Variants in MED13L observed in about 807,000 individuals in gnomAD.
MED13L encodes the protein mediator of RNA polymerase II transcription subunit 13-like.
In MED13L, 7 loss-of-function variants were observed where a neutral mutation model predicts 220.9. The observed-to-expected ratio is 0.03, with a 90% CI of 0.02 to 0.06. The LOEUF (loss-of-function observed/expected upper bound fraction) is 0.06, where lower values mean the gene tolerates loss of function less well. MED13L is among the 10% of genes least tolerant of loss of function. MED13L has a pLI of 1.00. For missense variants in MED13L, 1,965 were observed against 2,760.5 expected (o/e 0.71, Z 6.46); for synonymous variants, 1,011 against 1,015.2 (o/e 1.00, Z 0.08).
In MED13L at chr12:116,022,608, A is replaced by C. The variant is rs770649491; in HGVS notation, c.480-7T>G. On this transcript the variant is annotated splice_polypyrimidine_tract_variant and splice_region_variant and intron_variant, in intron 4 of 30. Transcript: ENST00000281928. ...AGCACAGGACAAATGCTCACTACAA[A>C]AGAGAGAATGAGAAACTCAACTTTA... The C allele has an allele frequency of 3.7e-6, 6 of 1,610,860 alleles. No individual in the cohort carries two copies. The South Asian group carries it at 6.6e-5, about 18-fold the overall frequency.
chr12:116,241,012 A>G (rs750394392), intron 1 of MED13L, among the ~76,000 whole-genome samples: 3 of 152,100 alleles, frequency 2.0e-5, no homozygotes, highest in Non-Finnish European at 4.4e-5. Context: ...AGAAGGTAAT[A>G]AAAACACACC....
chr12:116,101,374 A>G (rs1177888409), intron 3 of MED13L, among the ~76,000 whole-genome samples: 11 of 152,226 alleles, frequency 7.2e-5, no homozygotes, highest in Non-Finnish European at 2.9e-5. Context: ...GAGGTGCTCA[A>G]TAAATATATG....
intron 2 of MED13L, among the ~76,000 whole-genome samples, chr12:116,148,252 TAACTC>T (rs1234796471): frequency 4.0e-5 from 6 of 151,882 alleles, no homozygotes; most frequent in South Asian, 4.2e-4. Context: ...AGTGTGCAAA[TAACTC>T]AACCGTCTCC....
chr12:116,131,535 G>A (rs894784279), intron 2 of MED13L, among the ~76,000 whole-genome samples: 1 of 152,112 alleles, frequency 6.6e-6, no homozygotes, highest in Non-Finnish European at 1.5e-5. Context: ...TCTGCATTAC[G>A]CTGGGCACAA....
intron 2 of MED13L, among the ~76,000 whole-genome samples, chr12:116,132,262 A>G (rs992693761): frequency 1.8e-4 from 26 of 147,784 alleles, no homozygotes; most frequent in South Asian, 4.4e-4. Context: ...CCTGGGCAAG[A>G]GAGCAATACT....
chr12:116,276,352 GC>G, intron 1 of MED13L: 2 of 727,288 alleles, frequency 2.7e-6, no homozygotes, highest in Non-Finnish European at 4.0e-6. Flanking sequence ...GTGTGTGTGT[GC>G]GGATTCGTTG....
intron 3 of MED13L, among the ~76,000 whole-genome samples, chr12:116,106,212 G>C (rs1873561457): frequency 6.6e-6 from 1 of 152,176 alleles, no homozygotes; most frequent in African/African-American, 2.4e-5. Flanking sequence ...AACACTTATG[G>C]TATCTTGAAG....
chr12:115,985,770 G>A (rs753940491), intron 19 of MED13L, among the ~76,000 whole-genome samples: 29 of 152,146 alleles, frequency 1.9e-4, no homozygotes, highest in Non-Finnish European at 3.5e-4. Flanking sequence ...GTATTAAGAT[G>A]TCATGTTAAA....
intron 2 of MED13L, among the ~76,000 whole-genome samples, chr12:116,160,562 T>G (rs2893671): frequency 2.5e-4 from 38 of 150,946 alleles, no homozygotes; most frequent in Non-Finnish European, 5.0e-4. Flanking sequence ...AGGAAGAGGC[T>G]GGACTGGATC....
chr12:116,050,698 A>G (rs1033893224), intron 4 of MED13L, among the ~76,000 whole-genome samples: 2 of 152,140 alleles, frequency 1.3e-5, no homozygotes, highest in Non-Finnish European at 2.9e-5. Context: ...GCACTTTGGG[A>G]GGCCAAGGAG....
At chr12:116,138,294 A>T (rs1189266975) in intron 2 of MED13L, among the ~76,000 whole-genome samples, 1 of 152,218 alleles carries the variant, frequency 6.6e-6, no homozygotes, top group African/African-American at 2.4e-5. Context: ...GGAGAAAAAA[A>T]TTTTAATTTC....
chr12:116,098,074 G>A (rs970735411), intron 3 of MED13L, among the ~76,000 whole-genome samples: 3 of 151,960 alleles, frequency 2.0e-5, no homozygotes, highest in African/African-American at 7.3e-5. Context: ...GTCAAACCCC[G>A]TTTCTACTAA....
chr12:116,032,768 G>A (rs1290687714), intron 4 of MED13L, among the ~76,000 whole-genome samples: 1 of 152,016 alleles, frequency 6.6e-6, no homozygotes, highest in Non-Finnish European at 1.5e-5. Flanking sequence ...ACTAACCACA[G>A]TGCTCAGAGG....
intron 1 of MED13L, 38 bp downstream of exon 1, chr12:116,277,022 C>CAA: frequency 1.3e-5 from 13 of 1,006,416 alleles, no homozygotes; most frequent in Non-Finnish European, 1.8e-5. Flanking sequence ...CCCCCCCCTT[C>CAA]CCCGGCACAG....
intron 4 of MED13L, among the ~76,000 whole-genome samples, chr12:116,077,490 C>T (rs889049007): frequency 2.6e-5 from 4 of 152,030 alleles, no homozygotes; most frequent in African/African-American, 9.7e-5. Context: ...GTCATATATG[C>T]ATATACTTGG....
intron 4 of MED13L, among the ~76,000 whole-genome samples, chr12:116,046,600 C>A (rs1283203075): frequency 2.0e-5 from 3 of 152,108 alleles, no homozygotes; most frequent in Admixed American, 6.5e-5. Context: ...TCTTGCAGTG[C>A]AATTTTAGTA....
chr12:116,223,865 T>C (rs1449087910), intron 2 of MED13L, among the ~76,000 whole-genome samples: 1 of 152,190 alleles, frequency 6.6e-6, no homozygotes, highest in Non-Finnish European at 1.5e-5. Flanking sequence ...CATGTCATCA[T>C]GTTTTCCTAT....
chr12:116,258,390 T>C (rs1046145262), intron 1 of MED13L, among the ~76,000 whole-genome samples: 9 of 152,128 alleles, frequency 5.9e-5, no homozygotes, highest in Non-Finnish European at 1.3e-4. Context: ...AAGCACTCTT[T>C]ACAAACAGCA....
intron 2 of MED13L, among the ~76,000 whole-genome samples, chr12:116,191,704 G>C (rs1015141294): frequency 1.3e-5 from 2 of 152,014 alleles, no homozygotes; most frequent in Non-Finnish European, 2.9e-5. Context: ...CGTTTTGCCA[G>C]GCCCGGTGGC....
Sources: gnomAD v4.1 joint callset for allele counts (sites outside exome capture counted in the v4.1 genomes callset) on GRCh38, gnomAD v4.1.1 for gene constraint, MANE v1.5 for transcripts, NCBI Gene and HGNC (gene_info 2026-07-23, HGNC 2026-07-21) for gene names.